MAD1L1: variants seen among roughly 807,000 people sequenced by gnomAD.
MAD1L1 encodes the protein mitotic spindle assembly checkpoint protein MAD1.
A neutral mutation model predicts 96.9 loss-of-function variants in MAD1L1; 95 were observed. The observed-to-expected ratio is 0.98, with a 90% CI of 0.83 to 1.16. MAD1L1 has a LOEUF of 1.16. MAD1L1 is among the 50% of genes most tolerant of loss of function. The probability of loss-of-function intolerance (pLI) is 0.00; values close to 1 mark genes in which losing one functional copy is unlikely to be tolerated. For synonymous variants in MAD1L1, 473 were observed against 396.6 expected, an observed-to-expected ratio of 1.19 and a Z score of -2.29; for missense variants, 1,007 against 954.4, an observed-to-expected ratio of 1.06 and a Z score of -0.73.
chr7:1,835,590 A>G (rs1562439463), intron 18 of MAD1L1, among the ~76,000 whole-genome samples: 1 of 152,236 alleles, frequency 6.6e-6, no homozygotes, highest in Non-Finnish European at 1.5e-5. Context: ...TAAATCTGAA[A>G]AAGATGTGAA....
At chr7:1,980,051 G>T (rs1251993757) in intron 15 of MAD1L1, among the ~76,000 whole-genome samples, 1 of 152,214 alleles carries the variant, frequency 6.6e-6, no homozygotes, top group African/African-American at 2.4e-5. Context: ...GGCAGCAGAG[G>T]AGCAAGACTT....
At chr7:1,876,004 G>A (rs563569624) in intron 18 of MAD1L1, among the ~76,000 whole-genome samples, 12 of 152,288 alleles carry the variant, frequency 7.9e-5, no homozygotes, top group South Asian at 4.1e-4. Flanking sequence ...GGCCAACTCC[G>A]GTGCCCTTTG....
intron 18 of MAD1L1, among the ~76,000 whole-genome samples, chr7:1,850,961 G>T (rs1255849094): frequency 6.6e-6 from 1 of 152,200 alleles, no homozygotes; most frequent in African/African-American, 2.4e-5. Context: ...CACGAGAAGG[G>T]CCTGGCGTCG....
chr7:2,067,220 T>TTCGCAGGCACCCGGGGTCATCAGGCCAC (rs1784917035), intron 12 of MAD1L1, among the ~76,000 whole-genome samples: 3 of 108,916 alleles, frequency 2.8e-5, no homozygotes, highest in African/African-American at 1.5e-4. Flanking sequence ...CATCAGGCCA[T>TTCGCAGGCACCCGGGGTCATCAGGCCAC]GTTCGCAGGC....
At chr7:1,985,971 C>T (rs1280488781) in intron 14 of MAD1L1, among the ~76,000 whole-genome samples, 3 of 152,170 alleles carry the variant, frequency 2.0e-5, no homozygotes, top group Admixed American at 6.5e-5. Context: ...CAATGTCCAC[C>T]GTTTTTCTGT....
At chr7:1,948,746 GC>G (rs1779349108) in intron 16 of MAD1L1, among the ~76,000 whole-genome samples, 1 of 152,160 alleles carries the variant, frequency 6.6e-6, no homozygotes. Flanking sequence ...GGTCAGCGGG[GC>G]GGGGACAGCA....
intron 14 of MAD1L1, among the ~76,000 whole-genome samples, chr7:2,001,222 C>T (rs1412050699): frequency 2.0e-5 from 3 of 152,254 alleles, no homozygotes; most frequent in Admixed American, 6.5e-5. Context: ...ACAACGCCGA[C>T]AGCAGCTCTG....
chr7:2,082,278 G>A (rs921846417), intron 11 of MAD1L1, among the ~76,000 whole-genome samples: 5 of 152,054 alleles, frequency 3.3e-5, no homozygotes, highest in African/African-American at 1.2e-4. Context: ...AGGAGGGAGG[G>A]AAGGGAAGGA....
At chr7:2,016,456 C>T (rs776929251) in intron 12 of MAD1L1, among the ~76,000 whole-genome samples, 2 of 152,196 alleles carry the variant, frequency 1.3e-5, no homozygotes, top group South Asian at 4.2e-4. Flanking sequence ...CCCTTCCGTG[C>T]GGCCTCCTGA....
In MAD1L1 at chr7:2,016,163, G is replaced by A. The variant is rs1301341684; in HGVS notation, c.1219-1521C>T. On this transcript the variant is annotated intron_variant, in intron 12 of 18. Coordinates refer to ENST00000265854, the MANE Select transcript of MAD1L1 (RefSeq NM_001013836.2). ...GAAACAACAGGTGCTCAAGAAGCGA[G>A]AGCCAGGACCTCACAAACCCGGGAA... Among the ~76,000 whole-genome samples the A allele has an allele frequency of 2.6e-5, 4 of 152,142 alleles. No individual in the cohort carries two copies. In the East Asian group the frequency reaches 5.8e-4, roughly 22 times the overall value.
chr7:1,887,924 G>A (rs1786226953), intron 18 of MAD1L1, among the ~76,000 whole-genome samples: 1 of 144,106 alleles, frequency 6.9e-6, no homozygotes, highest in African/African-American at 2.6e-5. Context: ...CATGGCTGCG[G>A]CTGCCTGTGC....
intron 11 of MAD1L1, among the ~76,000 whole-genome samples, chr7:2,081,860 G>A (rs553050102): frequency 1.6e-4 from 24 of 152,370 alleles, no homozygotes; most frequent in African/African-American, 5.3e-4. Context: ...GCCTTCATGC[G>A]AGTGGCCAAC....
At chr7:2,154,954 C>G (rs984829654) in intron 10 of MAD1L1, among the ~76,000 whole-genome samples, 14 of 152,178 alleles carry the variant, frequency 9.2e-5, no homozygotes, top group Admixed American at 1.3e-4. Context: ...AAAGGACATA[C>G]CCTTGAACCA....
chr7:1,893,672 G>C (rs991093068), intron 18 of MAD1L1, among the ~76,000 whole-genome samples: 1 of 152,108 alleles, frequency 6.6e-6, no homozygotes, highest in African/African-American at 2.4e-5. Flanking sequence ...GCCCCCTGAG[G>C]ATGCCTTTCT....
intron 11 of MAD1L1, among the ~76,000 whole-genome samples, chr7:2,122,646 G>A (rs1315268071): frequency 6.6e-6 from 1 of 152,076 alleles, no homozygotes; most frequent in Non-Finnish European, 1.5e-5. Flanking sequence ...TCACAAACCA[G>A]GGAGTTGACG....
chr7:1,927,849 G>A (rs958926624), intron 17 of MAD1L1, among the ~76,000 whole-genome samples: 3 of 152,138 alleles, frequency 2.0e-5, no homozygotes, highest in Admixed American at 6.5e-5. Context: ...CATTTGCTCC[G>A]AGGAACACAG....
intron 15 of MAD1L1, among the ~76,000 whole-genome samples, chr7:1,979,555 G>C (rs1218591772): frequency 6.6e-6 from 1 of 152,238 alleles, no homozygotes; most frequent in Non-Finnish European, 1.5e-5. Context: ...CATCTGCCTG[G>C]AAACCTCTTG....
intron 18 of MAD1L1, among the ~76,000 whole-genome samples, chr7:1,837,641 C>T (rs1485868556): frequency 1.3e-5 from 2 of 152,230 alleles, no homozygotes; most frequent in East Asian, 3.8e-4. Context: ...ACGGATAAAT[C>T]TCAAACTAAC....
At chr7:2,210,490 G>A (rs903181283) in intron 10 of MAD1L1, among the ~76,000 whole-genome samples, 3 of 81,110 alleles carry the variant, frequency 3.7e-5, no homozygotes, top group Non-Finnish European at 6.4e-5. Flanking sequence ...CCGCATTCCC[G>A]TGGACTCTCT....
Sources: allele counts gnomAD v4.1 joint callset (sites outside exome capture counted in the v4.1 genomes callset), GRCh38; gene constraint gnomAD v4.1.1; transcripts MANE v1.5; gene names NCBI Gene and HGNC (gene_info 2026-07-23, HGNC 2026-07-21).